The following MAP1A variants were observed in gnomAD, a reference collection of about 807,000 sequenced individuals.
The protein encoded by MAP1A is microtubule associated protein 1A, also known as microtubule-associated protein 1A.
In MAP1A, 42 loss-of-function variants were observed where a neutral mutation model predicts 185.9. That is an observed-to-expected ratio of 0.23 (90% CI 0.18 to 0.29). The LOEUF (loss-of-function observed/expected upper bound fraction) is 0.29. MAP1A is among the 10% of genes least tolerant of loss of function. The pLI is 1.00. For synonymous variants in MAP1A, 1,229 were observed against 1,335.9 expected (o/e 0.92, Z 1.74); for missense variants, 2,995 against 3,450.4 (o/e 0.87, Z 3.31).
At position 43,529,972 on chromosome 15, in the gene MAP1A, G is replaced by A; in HGVS notation, c.8257-97G>A. 2 of 1,554,532 alleles carry A rather than the reference G, an allele frequency of 1.3e-6. No individual in the cohort carries two copies. Among genetic ancestry groups the A allele is most frequent in the East Asian group, 4.5e-5 (2 of 44,488 alleles). The stretch of plus-strand genomic sequence containing the variant: ...TATTAAAGGATGGGCCTTTTCTAAG[G>A]GCAGCAGAGCTGCTTCTGAGACCAT... On this transcript the variant is annotated intron_variant, in intron 5 of 5. Coordinates refer to ENST00000300231, the MANE Select transcript of MAP1A (RefSeq NM_002373.6). This position sits in a 1 kb window ranked among gnomAD's most constrained non-coding sequence, Gnocchi z 4.3.
chr15:43,520,779 C>T, intron 2 of MAP1A, 56 bp downstream of exon 2: 2 of 1,417,366 alleles, frequency 1.4e-6, no homozygotes, highest in East Asian at 2.5e-5. Flanking sequence ...CTATACCCAC[C>T]CTTGCCAGTG....
Position 43,528,831 on chromosome 15 carries a change from T to C in MAP1A, c.7358T>C (p.Leu2453Pro), listed in dbSNP as rs1267089112. 6.2e-7 allele frequency: 1 copy of C among 1,613,474 alleles called. No individual in the cohort carries two copies. The highest frequency in any genetic ancestry group is 1.7e-5 in the Admixed American group (1 of 60,002). The change falls in exon 4 of 6, where the codon CTG (leucine) becomes CCG (proline). Residue 2453 changes from leucine to proline, a missense_variant. By Grantham distance (98) the Leu-to-Pro change is moderately conservative. Coordinates refer to ENST00000300231, the MANE Select transcript of MAP1A (RefSeq NM_002373.6). ...CGTGGGGAGCTCTCCCCATCCTTCC[T>C]GAACCCACCTCTGCCCCCATCCATA... ...PHRGELSPSF[L>P]NPPLPPSIDD...
At chr15:43,518,718 G>GC (rs1472602466) in intron 1 of MAP1A, among the ~76,000 whole-genome samples, 11 of 78,378 alleles carry the variant, frequency 1.4e-4, no homozygotes, top group East Asian at 1.1e-3. Flanking sequence ...ACCCCCCCCC[G>GC]CAACTCCAGC....
chr15:43,526,863 C>G lies in MAP1A; in HGVS notation c.5390C>G (p.Ser1797Cys). The G allele has an allele frequency of 6.2e-7, 1 of 1,614,152 alleles. No individual in the cohort carries two copies. The highest frequency in any genetic ancestry group is 1.1e-5 in the South Asian group (1 of 91,072). ...ACCCGCTCTCCCTTTGAGATCATCT[C>G]CCCTCCAGCTTCCCCACCTGAGATG... is the stretch of plus-strand genomic sequence containing the variant. ...KLTRSPFEII[S>C]PPASPPEMVG... Residue 1797 changes from serine to cysteine, a missense_variant, in exon 4 of 6, where the codon TCC becomes TGC. Ser to Cys is a moderately radical substitution (Grantham distance 112, BLOSUM62 -1). Coordinates refer to ENST00000300231, the MANE Select transcript of MAP1A (RefSeq NM_002373.6). This position sits in a 1 kb window ranked among gnomAD's most constrained non-coding sequence, Gnocchi z 4.7.
chr15:43,520,564 G>A (rs2079315188), intron 1 of MAP1A, 77 bp from the exon 2 acceptor site: 1 of 963,128 alleles, frequency 1.0e-6, no homozygotes, highest in South Asian at 1.4e-5. Flanking sequence ...CCCATTTCCT[G>A]ATAGCACATT....
chr15:43,524,702 G>A lies in MAP1A; in HGVS notation c.3229G>A (p.Val1077Ile), dbSNP rs201996155. The A allele has an allele frequency of 2.2e-3, 3,474 of 1,614,100 alleles. 5 individuals carry two copies. Among genetic ancestry groups the A allele is most frequent in the Non-Finnish European group, 2.6e-3 (3,118 of 1,179,994 alleles). ...GAGCCCCCAGGCCCAGGAAGCACCTGTCAACATTGATGAGGGGCTTACAGG... is the reference window on the plus strand; with the variant it reads ...GAGCCCCCAGGCCCAGGAAGCACCTATCAACATTGATGAGGGGCTTACAGG... ...PRSPQAQEAP[V>I]NIDEGLTGCT... Residue 1077 changes from valine (V) to isoleucine (I), a missense_variant, in exon 4 of 6, where the codon GTC becomes ATC. Coordinates refer to ENST00000300231, the MANE Select transcript of MAP1A (RefSeq NM_002373.6).
Position 43,527,006 on chromosome 15 carries a change from T to C in MAP1A, c.5533T>C (p.Trp1845Arg). The change falls in exon 4 of 6, where the codon TGG (tryptophan) becomes CGG (arginine). Residue 1845 changes from tryptophan (W) to arginine (R), a missense_variant. Coordinates refer to ENST00000300231, the MANE Select transcript of MAP1A (RefSeq NM_002373.6). ...CTCATGGCTGGCTGACATCCCACCC[T>C]GGGTGCCCAAGGACAGACCCCTCCC... ...TPSWLADIPP[W>R]VPKDRPLPPA... The C allele has an allele frequency of 6.2e-7, 1 of 1,611,670 alleles. No homozygotes were observed. Among genetic ancestry groups the C allele is most frequent in the Non-Finnish European group, 8.5e-7 (1 of 1,178,782 alleles).
intron 1 of MAP1A, among the ~76,000 whole-genome samples, chr15:43,518,638 TC>T (rs1433645633): frequency 1.4e-5 from 2 of 147,710 alleles, no homozygotes; most frequent in African/African-American, 2.6e-5. Flanking sequence ...GCCCAAACGG[TC>T]CCCCTCCCCT....
chr15:43,512,168 C>G (rs1566975213), intron 1 of MAP1A: 2 of 1,424,210 alleles, frequency 1.4e-6, no homozygotes, highest in South Asian at 1.2e-5. Flanking sequence ...TATCCAGAAC[C>G]TTCTTTGTTT....
Position 43,522,484 on chromosome 15 carries a change from G to A in MAP1A, c.1011G>A (p.Arg337=). ...TKTAVSKLAK[R]EEVVEEGAKE... is the part of the protein sequence containing the mutation. Reference sequence around the variant, plus strand: ...CGGCCGTGAGCAAGTTGGCCAAACGGGAGGAGGTGGTAGAAGAGGGAGCCA... The same window carrying A: ...CGGCCGTGAGCAAGTTGGCCAAACGAGAGGAGGTGGTAGAAGAGGGAGCCA... The change falls in exon 4 of 6, where the codon CGG becomes CGA. Residue 337 remains arginine, a synonymous_variant. Coordinates refer to ENST00000300231, the MANE Select transcript of MAP1A (RefSeq NM_002373.6). The surrounding 1 kb of genome is among the most constrained non-coding windows in gnomAD (Gnocchi z 5.9). The A allele has an allele frequency of 6.2e-7, 1 of 1,614,056 alleles. No individual in the cohort carries two copies. The highest frequency in any genetic ancestry group is 8.5e-7 in the Non-Finnish European group (1 of 1,180,012).
chr15:43,511,067 G>C (rs984859737), exon 1 of MAP1A: 3 of 1,549,344 alleles, frequency 1.9e-6, no homozygotes, highest in South Asian at 1.2e-5. Flanking sequence ...CCGAAGTCCC[G>C]GCGCACCGCT....
In MAP1A at chr15:43,524,125, G is replaced by C; in HGVS notation, c.2652G>C (p.Gln884His). 1 of 1,614,160 alleles carries C rather than the reference G, an allele frequency of 6.2e-7. No homozygotes were observed. Among genetic ancestry groups the C allele is most frequent in the Non-Finnish European group, 8.5e-7 (1 of 1,180,030 alleles). Residue 884 changes from glutamine to histidine, a missense_variant, in exon 4 of 6, where the codon CAG (glutamine) becomes CAC (histidine). Around this residue, in one of 3 missense-constraint regions of MAP1A, gnomAD observed 2,728 missense variants for 2,986.0 expected, o/e 0.91. Transcript: ENST00000300231. ...CTTCCTCCCGTACTGAAGCTACGCA[G>C]GGCTTGGACTATGTGCCATCAGCTG... ...SIPSSRTEAT[Q>H]GLDYVPSAGT...
In MAP1A at chr15:43,530,481, GAGA is replaced by G. The variant is rs1308187205; in HGVS notation, c.*259_*261del. 1.2e-5 allele frequency: 6 copies of G among 496,528 alleles called. No homozygotes were observed. The East Asian group carries it at 2.1e-4, about 18-fold the overall frequency. 30.8% of individuals were successfully genotyped at this position (496,528 alleles called of 1,614,324 possible). On this transcript the variant is annotated 3_prime_UTR_variant, in exon 6 of 6. Transcript: ENST00000300231. ...TAGAATAGGATAGCATCTGATGCCT[GAGA>G]ACCCTCTCCTAGCACTGTCAAATGC...
rs1250270613 is a variant in MAP1A at position 43,528,166 on chromosome 15, C to T, written c.6693C>T (p.Pro2231=). The T allele has an allele frequency of 1.9e-6, 3 of 1,614,166 alleles. No homozygotes were observed. Among genetic ancestry groups the T allele is most frequent in the South Asian group, 1.1e-5 (1 of 91,082 alleles). Reference sequence around the variant, plus strand: ...CCCCCAGCCTGGATTCCTCACTGCCCCAGCTCCCATCACCCAGTTCTCCTG... The same window carrying T: ...CCCCCAGCCTGGATTCCTCACTGCCTCAGCTCCCATCACCCAGTTCTCCTG... The part of the protein sequence containing the change: ...TKAPSLDSSL[P]QLPSPSSPGA... The change falls in exon 4 of 6, where the codon CCC becomes CCT. Residue 2231 remains proline, a synonymous_variant. Transcript: ENST00000300231.
Position 43,525,472 on chromosome 15 carries a change from T to A in MAP1A, c.3999T>A (p.Pro1333=). 1 of 1,614,236 alleles carries A rather than the reference T, an allele frequency of 6.2e-7. No individual in the cohort carries two copies. Among genetic ancestry groups the A allele is most frequent in the East Asian group, 2.2e-5 (1 of 44,884 alleles). Residue 1333 remains proline (P), a synonymous_variant, in exon 4 of 6, where the codon CCT becomes CCA. Coordinates refer to ENST00000300231, the MANE Select transcript of MAP1A (RefSeq NM_002373.6). ...FSKSPESLPG[P]ALEDIAIKWE... ...AGAGTCCTGAGTCTTTGCCAGGCCC[T>A]GCCTTGGAGGACATTGCCATAAAGT...
In MAP1A at chr15:43,521,608, T is replaced by C; in HGVS notation, c.135T>C (p.Gly45=). 6.2e-7 allele frequency: 1 copy of C among 1,614,090 alleles called. No individual in the cohort carries two copies. The highest frequency in any genetic ancestry group is 1.1e-5 in the South Asian group (1 of 91,080). Residue 45 remains glycine, a synonymous_variant, in exon 4 of 6, where the codon GGT becomes GGC. Transcript: ENST00000300231. The surrounding 1 kb of genome is among the most constrained non-coding windows in gnomAD (Gnocchi z 4.6). ...LSKPCCYIFP[G]GRGDSALFAV... is the part of the protein sequence containing the mutation. ...AGCCTTGTTGCTACATCTTCCCAGGTGGTCGTGGGGACTCTGCCCTCTTTG... is the reference window on the plus strand; with the variant it reads ...AGCCTTGTTGCTACATCTTCCCAGGCGGTCGTGGGGACTCTGCCCTCTTTG...
chr15:43,526,312 T>G lies in MAP1A; in HGVS notation c.4839T>G (p.Ala1613=), dbSNP rs1339032679. 6.2e-7 allele frequency: 1 copy of G among 1,613,796 alleles called. No individual in the cohort carries two copies. The highest frequency in any genetic ancestry group is 2.2e-5 in the East Asian group (1 of 44,868). The change falls in exon 4 of 6, where the codon GCT becomes GCG. Residue 1613 remains alanine (A), a synonymous_variant. Coordinates refer to ENST00000300231, the MANE Select transcript of MAP1A (RefSeq NM_002373.6). This position sits in a 1 kb window ranked among gnomAD's most constrained non-coding sequence, Gnocchi z 4.7. The stretch of plus-strand genomic sequence containing the variant: ...AGGCCATGGAAGAGAAGTTAGAAGC[T>G]CTTCTGGAGAAGACCAAAGCTCTGG... ...KVKAMEEKLE[A]LLEKTKALGL... is the part of the protein sequence containing the mutation.
rs2079340781 is a variant in MAP1A at position 43,525,829 on chromosome 15, G to T, written c.4356G>T (p.Glu1452Asp). ...ALEQKDKIPE[E>D]KDKALEQKDT... ...AACAGAAGGATAAGATTCCAGAAGA[G>T]AAAGACAAAGCCTTAGAACAAAAGG... Residue 1452 changes from glutamate to aspartate, a missense_variant, in exon 4 of 6, where the codon GAG becomes GAT. By Grantham distance (45) the Glu-to-Asp change is conservative (BLOSUM62 2). Transcript: ENST00000300231. The T allele has an allele frequency of 6.3e-7, 1 of 1,580,214 alleles. No homozygotes were observed. The highest frequency in any genetic ancestry group is 2.4e-5 in the East Asian group (1 of 41,084).
chr15:43,525,959 G>C lies in MAP1A; in HGVS notation c.4486G>C (p.Asp1496His). The C allele has an allele frequency of 1.2e-6, 2 of 1,614,124 alleles. No homozygotes were observed. Among genetic ancestry groups the C allele is most frequent in the Non-Finnish European group, 1.7e-6 (2 of 1,180,030 alleles). ...GAAGGAGAAGATCCCAGAAGAGAAA[G>C]ACAAAGCCTTAGATCAAAAAGTCAG... is the stretch of plus-strand genomic sequence containing the variant. ...EQKEKIPEEK[D>H]KALDQKVRSV... is the part of the protein sequence containing the mutation. The change falls in exon 4 of 6, where the codon GAC becomes CAC. Residue 1496 changes from aspartate to histidine, a missense_variant. Physicochemically the swap from Asp to His is moderately conservative, Grantham distance 81. Coordinates refer to ENST00000300231, the MANE Select transcript of MAP1A (RefSeq NM_002373.6).
Sources: gnomAD v4.1 joint callset for allele counts (sites outside exome capture counted in the v4.1 genomes callset) on GRCh38, gnomAD v4.1.1 for gene constraint, gnomAD v4.1.1 regional missense constraint, Gnocchi (gnomAD v3.1) non-coding constraint, MANE v1.5 for transcripts, NCBI Gene and HGNC (gene_info 2026-07-23, HGNC 2026-07-21) for gene names.